ZNF45: variants seen among roughly 807,000 people sequenced by gnomAD.
ZNF45 encodes the protein BRC1744.
A neutral mutation model predicts 12.0 loss-of-function variants in ZNF45; 4 were observed. The observed-to-expected ratio is 0.33, with a 90% CI of 0.16 to 0.76. The LOEUF is 0.76. ZNF45 is among the 30% of genes least tolerant of loss of function. The pLI, the probability that ZNF45 is intolerant of heterozygous loss-of-function variation, is 0.60. For synonymous variants in ZNF45, 272 were observed against 279.6 expected, an observed-to-expected ratio of 0.97 and a Z score of 0.27; for missense variants, 700 against 813.0, an observed-to-expected ratio of 0.86 and a Z score of 1.69.
intron 2 of ZNF45, among the ~76,000 whole-genome samples, 186 bp from the exon 3 acceptor site, chr19:43,932,876 G>A (rs1230415631): frequency 1.3e-5 from 2 of 152,146 alleles, no homozygotes; most frequent in Non-Finnish European, 2.9e-5. Flanking sequence ...TCTATTATGG[G>A]CTGAATTGTG....
Position 43,913,312 on chromosome 19 carries a change from A to AAT in ZNF45, c.*74_*75insAT, listed in dbSNP as rs1972352267. ...CACTTGGCTGAACTACTGACTCTAT[A>AAT]AAACAAATGTTTTGTCTATGATAGC... is the stretch of plus-strand genomic sequence containing the variant. On this transcript the variant is annotated 3_prime_UTR_variant, in exon 10 of 10. Transcript: ENST00000269973. The AAT allele has an allele frequency of 6.7e-7, 1 of 1,497,546 alleles. No individual in the cohort carries two copies. Among genetic ancestry groups the AAT allele is most frequent in the Non-Finnish European group, 8.9e-7 (1 of 1,122,708 alleles). 92.8% of individuals were successfully genotyped at this position (1,497,546 alleles called of 1,614,324 possible). A position where few individuals can be genotyped will look rare whatever the true frequency, so the allele number is the denominator to read the frequency against.
intron 3 of ZNF45, among the ~76,000 whole-genome samples, chr19:43,931,993 G>A (rs1268673804): frequency 2.0e-5 from 3 of 152,134 alleles, no homozygotes; most frequent in African/African-American, 7.2e-5. Context: ...CAAGTCATAA[G>A]AAACACCCAA....
Position 43,918,932 on chromosome 19 carries a change from T to C in ZNF45, c.173A>G (p.Gln58Arg). ...CCACAGCTTTTCTTCTCTCTCTAAC[T>C]GTGGTAGGCCATCTGGTGTGGACTG... ...GHQSTPDGLPQLEREEKLWMM... is the reference protein window; with the variant it reads ...GHQSTPDGLPRLEREEKLWMM... Residue 58 changes from glutamine to arginine, a missense_variant, in exon 9 of 10, where the codon CAG (glutamine) becomes CGG (arginine). Transcript: ENST00000269973. 1 of 1,614,096 alleles carries C rather than the reference T, an allele frequency of 6.2e-7. No homozygotes were observed. The highest frequency in any genetic ancestry group is 8.5e-7 in the Non-Finnish European group (1 of 1,180,000).
intron 9 of ZNF45, among the ~76,000 whole-genome samples, chr19:43,915,862 C>A (rs1297270878): frequency 6.6e-6 from 1 of 152,098 alleles, no homozygotes; most frequent in Non-Finnish European, 1.5e-5. Context: ...GACCTACATA[C>A]CTAAAGTTCG....
intron 9 of ZNF45, among the ~76,000 whole-genome samples, chr19:43,916,998 A>C (rs1414676757): frequency 2.0e-5 from 3 of 152,150 alleles, no homozygotes; most frequent in Non-Finnish European, 4.4e-5. Context: ...CAATATTTAG[A>C]GCCTCGGGAA....
At chr19:43,925,225 T>G (rs945621990) in intron 4 of ZNF45, 100 bp downstream of exon 4, 1 of 152,218 alleles carries the variant, frequency 6.6e-6, no homozygotes, top group Non-Finnish European at 1.5e-5. Flanking sequence ...ATCATGGACT[T>G]CCCAGTCTCC....
intron 3 of ZNF45, chr19:43,926,274 T>G (rs867535566): frequency 6.6e-6 from 1 of 152,168 alleles, no homozygotes; most frequent in Non-Finnish European, 1.5e-5. Flanking sequence ...TATTTCCAAA[T>G]TTTTCCTCTA....
intron 9 of ZNF45, among the ~76,000 whole-genome samples, chr19:43,916,765 G>A (rs1334023815): frequency 6.6e-6 from 1 of 152,148 alleles, no homozygotes; most frequent in Non-Finnish European, 1.5e-5. Context: ...ATGCATAATG[G>A]GAAAGGGACT....
rs758985139 is a variant in ZNF45, at chr19:43,914,237, G to A, written c.1199C>T (p.Ala400Val). ...TCTTTGATGGTCCAGCAGATTTGAG[G>A]CCCGGCAGAAGCCTTTCCCACACTC... ...CEECGKGFCR[A>V]SNLLDHQRGH... The change falls in exon 10 of 10, where the codon GCC (alanine) becomes GTC (valine). Residue 400 changes from alanine (A) to valine (V), a missense_variant. By Grantham distance (64) the Ala-to-Val change is moderately conservative (BLOSUM62 0). Transcript: ENST00000269973. 3.1e-6 allele frequency: 5 copies of A among 1,612,800 alleles called. No homozygotes were observed. In the East Asian group the frequency reaches 6.7e-5, roughly 22 times the overall value.
chr19:43,915,157 T>C lies in ZNF45; in HGVS notation c.279A>G (p.Gly93=). ...LKEMETLQEV[G]LRYLPHEELF... ...GCTCTTCATGAGGCAGGTACCTTAA[T>C]CCTACTTCTTGAAGAGTCTCCATCT... Residue 93 remains glycine (G), a synonymous_variant, in exon 10 of 10, where the codon GGA becomes GGG. Coordinates refer to ENST00000269973, the MANE Select transcript of ZNF45 (RefSeq NM_003425.4). 1 of 1,543,570 alleles carries C rather than the reference T, an allele frequency of 6.5e-7. No homozygotes were observed. Among genetic ancestry groups the C allele is most frequent in the South Asian group, 1.2e-5 (1 of 80,154 alleles).
In ZNF45 at chr19:43,914,819, C is replaced by G. The variant is rs1385263624; in HGVS notation, c.617G>C (p.Ser206Thr). 16 of 1,612,610 alleles carry G rather than the reference C, an allele frequency of 9.9e-6. No homozygotes were observed. The highest frequency in any genetic ancestry group is 1.4e-5 in the Non-Finnish European group (16 of 1,178,754). ...GTGGACTCTCTGATGGGCTTGAAGACTTGAAAACCGACGGAAGGCATTATC... is the reference window on the plus strand; with the variant it reads ...GTGGACTCTCTGATGGGCTTGAAGAGTTGAAAACCGACGGAAGGCATTATC... ...KCDNAFRRFS[S>T]LQAHQRVHSR... The change falls in exon 10 of 10, where the codon AGT (serine) becomes ACT (threonine). Residue 206 changes from serine to threonine, a missense_variant. Ser to Thr is a moderately conservative substitution (Grantham distance 58). Coordinates refer to ENST00000269973, the MANE Select transcript of ZNF45 (RefSeq NM_003425.4).
At chr19:43,919,756 G>A in intron 7 of ZNF45, 57 bp from the exon 8 acceptor site, 1 of 1,581,362 alleles carries the variant, frequency 6.3e-7, no homozygotes. Context: ...CTGGAAAAGG[G>A]ATAGCACTGA....
intron 6 of ZNF45, among the ~76,000 whole-genome samples, chr19:43,923,978 A>T (rs1243424120): frequency 1.6e-5 from 2 of 122,420 alleles, no homozygotes; most frequent in Non-Finnish European, 3.2e-5. Context: ...AAAAAAATCT[A>T]AAAAAAAAAA....
At chr19:43,933,009 G>A (rs761114822) in intron 2 of ZNF45, among the ~76,000 whole-genome samples, 2 of 152,176 alleles carry the variant, frequency 1.3e-5, no homozygotes, top group Non-Finnish European at 2.9e-5. Flanking sequence ...CGCACACAGA[G>A]GGGAGAGGCC....
At chr19:43,922,717 A>G (rs1410404676) in intron 6 of ZNF45, among the ~76,000 whole-genome samples, 2 of 152,148 alleles carry the variant, frequency 1.3e-5, no homozygotes, top group Non-Finnish European at 2.9e-5. Flanking sequence ...TAAATGAGGG[A>G]AAAAGCTCAA....
intron 3 of ZNF45, among the ~76,000 whole-genome samples, chr19:43,927,957 C>T (rs1452136889): frequency 1.3e-5 from 2 of 151,914 alleles, no homozygotes; most frequent in Admixed American, 6.6e-5. Context: ...GGCGGATCAC[C>T]TGAGGTTAGG....
At position 43,914,596 on chromosome 19, in the gene ZNF45, C is replaced by G; in HGVS notation, c.840G>C (p.Glu280Asp). Residue 280 changes from glutamate (E) to aspartate (D), a missense_variant, in exon 10 of 10, where the codon GAG (glutamate) becomes GAC (aspartate). By Grantham distance (45) the Glu-to-Asp change is conservative (BLOSUM62 2). Coordinates refer to ENST00000269973, the MANE Select transcript of ZNF45 (RefSeq NM_003425.4). ...HTGEKPYKCE[E>D]CGVGFSQRSY... ...ATCTCTGACTGAAGCCCACCCCACA[C>G]TCCTCACATTTATAGGGTTTCTCTC... The G allele has an allele frequency of 6.2e-7, 1 of 1,613,692 alleles. No homozygotes were observed. The highest frequency in any genetic ancestry group is 1.1e-5 in the South Asian group (1 of 91,038).
intron 3 of ZNF45, among the ~76,000 whole-genome samples, chr19:43,925,895 A>AGGC (rs1285054683): frequency 1.5e-3 from 226 of 152,338 alleles, no homozygotes; most frequent in Non-Finnish European, 2.8e-3. Flanking sequence ...GGCCTCCCAA[A>AGGC]GTGCTGGGAT....
chr19:43,928,974 A>T (rs1973907898), intron 3 of ZNF45, among the ~76,000 whole-genome samples: 1 of 152,252 alleles, frequency 6.6e-6, no homozygotes, highest in South Asian at 2.1e-4. Context: ...TTTCATAACG[A>T]TGATAGAGAT....
Sources: allele counts gnomAD v4.1 joint callset (sites outside exome capture counted in the v4.1 genomes callset), GRCh38; gene constraint gnomAD v4.1.1; transcripts MANE v1.5; gene names NCBI Gene and HGNC (gene_info 2026-07-23, HGNC 2026-07-21).